Variants in ITGA9 observed in about 807,000 individuals in gnomAD.
ITGA9 encodes the protein integrin subunit alpha 9.
A neutral mutation model predicts 127.8 loss-of-function variants in ITGA9; 56 were observed. The observed-to-expected ratio is 0.44, with a 90% CI of 0.35 to 0.55. The LOEUF is 0.55. Among genes scored for constraint, ITGA9 ranks in the 20% least tolerant of loss-of-function variants. The probability of loss-of-function intolerance (pLI) is 0.00; values close to 1 mark genes in which losing one functional copy is unlikely to be tolerated. For missense variants in ITGA9, 1,196 were observed against 1,347.1 expected (o/e 0.89, Z 1.76); for synonymous variants, 508 against 514.5 (o/e 0.99, Z 0.17).
At chr3:37,640,837 C>T (rs1700326067) in intron 16 of ITGA9, among the ~76,000 whole-genome samples, 2 of 152,182 alleles carry the variant, frequency 1.3e-5, no homozygotes, top group African/African-American at 4.8e-5. Context: ...GGGGTGCCAT[C>T]GGCTGCTCTG....
chr3:37,645,567 A>C (rs2125643555), intron 16 of ITGA9, among the ~76,000 whole-genome samples: 1 of 152,234 alleles, frequency 6.6e-6, no homozygotes, highest in East Asian at 1.9e-4. Flanking sequence ...CATCTCAAAA[A>C]AAAAATGCAT....
rs924400481 is a variant in ITGA9, at chr3:37,814,809, C to T, written c.3010-4082C>T. Among the ~76,000 whole-genome samples, 8 of 152,168 alleles carry T rather than the reference C, an allele frequency of 5.3e-5. No individual in the cohort carries two copies. Among genetic ancestry groups the T allele is most frequent in the Non-Finnish European group, 8.8e-5 (6 of 68,028 alleles). ...CTGTGATGTGAGTGGTATCCCCCAG[C>T]CCCTTAAATGCAGTGTAGCACCTGC... On this transcript the variant is annotated intron_variant, in intron 27 of 27. Coordinates refer to ENST00000264741, the MANE Select transcript of ITGA9 (RefSeq NM_002207.3). The surrounding 1 kb of genome is among the most constrained non-coding windows in gnomAD (Gnocchi z 4.3).
chr3:37,583,179 A>T (rs970400128), intron 15 of ITGA9, among the ~76,000 whole-genome samples: 3 of 152,128 alleles, frequency 2.0e-5, no homozygotes, highest in African/African-American at 7.2e-5. Flanking sequence ...GCTCTAATAT[A>T]TATTCTTGGT....
At chr3:37,505,213 A>C (rs1381367193) in intron 6 of ITGA9, among the ~76,000 whole-genome samples, 4 of 152,178 alleles carry the variant, frequency 2.6e-5, no homozygotes, top group Non-Finnish European at 4.4e-5. Flanking sequence ...GATCTTTGGC[A>C]TGTTGTTTAA....
intron 15 of ITGA9, among the ~76,000 whole-genome samples, chr3:37,591,611 C>CG (rs1245527615): frequency 2.6e-5 from 4 of 152,174 alleles, no homozygotes; most frequent in Non-Finnish European, 4.4e-5. Flanking sequence ...CTGTAGACCT[C>CG]GGGGGTCCAG....
rs1697485590 is a variant in ITGA9 at position 37,819,515 on chromosome 3, C to G, written c.*526C>G. On this transcript the variant is annotated 3_prime_UTR_variant, in exon 28 of 28. Transcript: ENST00000264741. ...GACAGATGAAATAAGTTGAAGAAAC[C>G]TCATGTAATGAATCCACCAGGCTGG... 1 of 159,416 alleles carries G rather than the reference C, an allele frequency of 6.3e-6. No homozygotes were observed. Among genetic ancestry groups the G allele is most frequent in the South Asian group, 1.8e-4 (1 of 5,652 alleles). 9.9% of individuals were successfully genotyped at this position (159,416 alleles called of 1,614,324 possible). A position where few individuals can be genotyped will look rare whatever the true frequency, so the allele number is the denominator to read the frequency against.
At chr3:37,684,096 A>G in intron 18 of ITGA9, 81 bp downstream of exon 18, 1 of 1,159,160 alleles carries the variant, frequency 8.6e-7, no homozygotes, top group South Asian at 1.2e-5. Flanking sequence ...GGAATAGGCA[A>G]TGATTCTACA....
At chr3:37,508,472 T>G (rs911331746) in intron 7 of ITGA9, 87 bp from the exon 8 acceptor site, 12 of 1,116,424 alleles carry the variant, frequency 1.1e-5, no homozygotes, top group Non-Finnish European at 1.2e-5. Context: ...CTCTTAAGCT[T>G]TTAAATAGGA....
intron 18 of ITGA9, among the ~76,000 whole-genome samples, chr3:37,690,270 G>A (rs9867978): frequency 0.077 from 11,772 of 152,190 alleles, 1,410 homozygotes; most frequent in African/African-American, 0.26. Flanking sequence ...GAGAGAACCC[G>A]GTAGGATGGA....
intron 24 of ITGA9, among the ~76,000 whole-genome samples, 154 bp from the exon 25 acceptor site, chr3:37,779,748 G>A (rs1696952966): frequency 6.6e-6 from 1 of 152,212 alleles, no homozygotes. Flanking sequence ...AATGCCCTCT[G>A]GTGGCGAGAA....
chr3:37,530,852 C>T (rs1342825411), intron 13 of ITGA9, among the ~76,000 whole-genome samples: 44 of 148,392 alleles, frequency 3.0e-4, no homozygotes, highest in Non-Finnish European at 7.4e-5. Context: ...CCCGGGTTCA[C>T]GTCATTCTTC....
rs569402014 is a variant in ITGA9 at position 37,713,622 on chromosome 3, C to T, written c.2068-19090C>T. Among the ~76,000 whole-genome samples the T allele has an allele frequency of 1.6e-4, 24 of 152,306 alleles. No homozygotes were observed. The South Asian group carries it at 4.1e-3, about 26-fold the overall frequency. ...GCGGGAGGTACTTTCAGCACTCCCT[C>T]GTGAGATCATGGAACAGGGCAGGAA... On this transcript the variant is annotated intron_variant, in intron 18 of 27. Coordinates refer to ENST00000264741, the MANE Select transcript of ITGA9 (RefSeq NM_002207.3).
chr3:37,559,961 T>A (rs551867253), intron 15 of ITGA9, among the ~76,000 whole-genome samples: 18 of 152,342 alleles, frequency 1.2e-4, no homozygotes, highest in East Asian at 1.9e-4. Context: ...TCCTTTTTTT[T>A]AAAATTATGC....
At chr3:37,632,277 G>T (rs1461634804) in intron 16 of ITGA9, among the ~76,000 whole-genome samples, 1 of 152,260 alleles carries the variant, frequency 6.6e-6, no homozygotes, top group Non-Finnish European at 1.5e-5. Flanking sequence ...ATTTTCTAAT[G>T]GATGGGATTC....
chr3:37,581,393 G>A (rs980802181), intron 15 of ITGA9, among the ~76,000 whole-genome samples: 2 of 152,164 alleles, frequency 1.3e-5, no homozygotes, highest in Admixed American at 1.3e-4. Context: ...GCGCGTGATT[G>A]GTGAGGACTG....
intron 4 of ITGA9, among the ~76,000 whole-genome samples, chr3:37,481,817 T>A (rs1036996328): frequency 6.6e-6 from 1 of 152,174 alleles, no homozygotes; most frequent in African/African-American, 2.4e-5. Context: ...CCCAGGCCTT[T>A]CCAACCCTCA....
chr3:37,775,207 G>A (rs1696892020), intron 23 of ITGA9, among the ~76,000 whole-genome samples: 1 of 152,150 alleles, frequency 6.6e-6, no homozygotes, highest in Non-Finnish European at 1.5e-5. Context: ...GAGGGCAAAG[G>A]ACATGAACAG....
At chr3:37,593,860 T>C (rs1235248360) in intron 15 of ITGA9, among the ~76,000 whole-genome samples, 1 of 147,962 alleles carries the variant, frequency 6.8e-6, no homozygotes, top group African/African-American at 2.5e-5. Flanking sequence ...TGTCCTCGTG[T>C]GGACACAACT....
intron 17 of ITGA9, among the ~76,000 whole-genome samples, chr3:37,662,357 G>A (rs1356029711): frequency 6.6e-6 from 1 of 151,914 alleles, no homozygotes; most frequent in African/African-American, 2.4e-5. Context: ...GAGCTGAGAT[G>A]GCACCACTGC....
Sources: allele counts gnomAD v4.1 joint callset (sites outside exome capture counted in the v4.1 genomes callset), GRCh38; gene constraint gnomAD v4.1.1; non-coding constraint Gnocchi (gnomAD v3.1); transcripts MANE v1.5; gene names NCBI Gene and HGNC (gene_info 2026-07-23, HGNC 2026-07-21).